The following DNAH6 variants were observed in gnomAD, a reference collection of about 807,000 sequenced individuals.
DNAH6 encodes dynein axonemal heavy chain 6, also known as axonemal beta dynein heavy chain 6.
DNAH6 carries 340 observed loss-of-function variants against 491.4 expected under a neutral mutation model. The observed-to-expected ratio is 0.69, with a 90% confidence interval of 0.63 to 0.76. The LOEUF is 0.76. Ranked by LOEUF, DNAH6 falls within the 30% of genes least tolerant of loss-of-function variation. The pLI, the probability that DNAH6 is intolerant of heterozygous loss-of-function variation, is 0.00. For missense variants in DNAH6, 4,443 were observed against 4,972.2 expected (o/e 0.89, Z 3.20); for synonymous variants, 1,603 against 1,686.1 (o/e 0.95, Z 1.21).
At position 84,588,891 on chromosome 2, in the gene DNAH6, A is replaced by G. The variant is rs1006244; in HGVS notation, c.2547A>G (p.Gln849=). 62,595 of 1,550,324 alleles carry G rather than the reference A, an allele frequency of 0.04. 3,985 individuals carry two copies. Among genetic ancestry groups the G allele is most frequent in the African/African-American group, 0.29 (21,302 of 72,986 alleles). The change falls in exon 16 of 77, where the codon CAA becomes CAG. Residue 849 remains glutamine, a synonymous_variant. Coordinates refer to ENST00000389394, the MANE Select transcript of DNAH6 (RefSeq NM_001370.2). ...TAAGGCTCATATTGAATAATCTGCA[A>G]TCTGTTCTGGCTGATCTTCAGAAAC... ...DKIRLILNNL[Q]SVLADLQKRA...
intron 62 of DNAH6, among the ~76,000 whole-genome samples, chr2:84,735,072 C>T (rs1369142458): frequency 6.6e-5 from 10 of 152,046 alleles, no homozygotes; most frequent in Admixed American, 5.9e-4. Flanking sequence ...TTTCAGAGTC[C>T]TCAGGGTCTA....
In DNAH6 at chr2:84,814,130, C is replaced by T; in HGVS notation, c.12150+8C>T. On this transcript the variant is annotated splice_region_variant and intron_variant, in intron 75 of 76. Coordinates refer to ENST00000389394, the MANE Select transcript of DNAH6 (RefSeq NM_001370.2). ...CTGCCCATGGACATGGAGGTATTGT[C>T]CACCTGGCTGTTATGGCAAAGCAGC... is the stretch of plus-strand genomic sequence containing the variant. 2 of 1,550,336 alleles carry T rather than the reference C, an allele frequency of 1.3e-6. No homozygotes were observed. Among genetic ancestry groups the T allele is most frequent in the Non-Finnish European group, 1.7e-6 (2 of 1,146,094 alleles).
chr2:84,579,519 T>A lies in DNAH6; in HGVS notation c.2077-8T>A. On this transcript the variant is annotated splice_region_variant and splice_polypyrimidine_tract_variant and intron_variant, in intron 13 of 76. Transcript: ENST00000389394. ...CTATTTACAATTCACACGGTGTTTCTTTCTTAGGTGCTAAATTTTATGCTT... is the reference window on the plus strand; with the variant it reads ...CTATTTACAATTCACACGGTGTTTCATTCTTAGGTGCTAAATTTTATGCTT... 1 of 1,613,264 alleles carries A rather than the reference T, an allele frequency of 6.2e-7. No homozygotes were observed.
At chr2:84,771,303 A>G (rs1675584865) in intron 64 of DNAH6, among the ~76,000 whole-genome samples, 1 of 152,074 alleles carries the variant, frequency 6.6e-6, no homozygotes, top group Non-Finnish European at 1.5e-5. Context: ...AAAAAAAACA[A>G]AAAGAAGTTA....
At chr2:84,644,224 C>T (rs894452638) in intron 33 of DNAH6, among the ~76,000 whole-genome samples, 3 of 152,074 alleles carry the variant, frequency 2.0e-5, no homozygotes, top group African/African-American at 7.2e-5. Flanking sequence ...GAAAGGCTAG[C>T]GCCAGCTGGA....
chr2:84,666,643 T>G (rs1053176806), intron 37 of DNAH6, among the ~76,000 whole-genome samples: 7 of 152,150 alleles, frequency 4.6e-5, no homozygotes, highest in African/African-American at 9.7e-5. Context: ...TGGATAGGAA[T>G]AATCAATATT....
intron 30 of DNAH6, 119 bp downstream of exon 30, chr2:84,634,760 C>T: frequency 7.9e-7 from 1 of 1,267,464 alleles, no homozygotes; most frequent in South Asian, 1.9e-5. Context: ...CTGGGGAGCC[C>T]AAGGGGACCT....
intron 40 of DNAH6, among the ~76,000 whole-genome samples, chr2:84,673,440 A>ATG (rs1277039282): frequency 6.6e-6 from 1 of 152,176 alleles, no homozygotes; most frequent in Non-Finnish European, 1.5e-5. Context: ...TCCTGTGCTA[A>ATG]TGTGTGTGGT....
chr2:84,646,179 T>C (rs1689876135), intron 33 of DNAH6, among the ~76,000 whole-genome samples: 1 of 152,206 alleles, frequency 6.6e-6, no homozygotes, highest in South Asian at 2.1e-4. Flanking sequence ...CATTGATCTT[T>C]GATGTTACTA....
chr2:84,684,880 A>G (rs779625235), intron 42 of DNAH6, among the ~76,000 whole-genome samples: 2 of 152,236 alleles, frequency 1.3e-5, no homozygotes, highest in African/African-American at 4.8e-5. Context: ...GGCCAGGGGC[A>G]TTTGGTGAGG....
chr2:84,801,632 C>G (rs186568983), intron 70 of DNAH6, among the ~76,000 whole-genome samples: 28 of 152,170 alleles, frequency 1.8e-4, no homozygotes, highest in Non-Finnish European at 3.5e-4. Context: ...GCCTGTAATC[C>G]TAACACTTTG....
intron 48 of DNAH6, 98 bp from the exon 49 acceptor site, chr2:84,700,999 G>T (rs1424126121): frequency 3.7e-6 from 5 of 1,360,774 alleles, no homozygotes; most frequent in Admixed American, 4.5e-5. Context: ...AGGGGACTGG[G>T]CAGGGAGGAG....
chr2:84,701,439 G>A (rs763533533), intron 49 of DNAH6, 100 bp downstream of exon 49: 16 of 1,256,496 alleles, frequency 1.3e-5, no homozygotes, highest in Non-Finnish European at 1.7e-5. Context: ...TCAGGGCCCT[G>A]TATTAGTCCA....
intron 20 of DNAH6, 97 bp from the exon 21 acceptor site, chr2:84,606,879 T>C (rs1026799071): frequency 7.8e-7 from 1 of 1,283,958 alleles, no homozygotes; most frequent in Non-Finnish European, 1.1e-6. Flanking sequence ...ATTCAAAGAG[T>C]TGACTTTTAA....
Position 84,557,473 on chromosome 2 carries a change from C to T in DNAH6, c.1603-262C>T, listed in dbSNP as rs1024091266. Reference sequence around the variant, plus strand: ...CATCCTGGCTAACAAGGTGAAACCCCGTCTCTACTAAAAATACAAAAAAAA... The same window carrying T: ...CATCCTGGCTAACAAGGTGAAACCCTGTCTCTACTAAAAATACAAAAAAAA... On this transcript the variant is annotated intron_variant, in intron 10 of 76. Transcript: ENST00000389394. 6.0e-5 allele frequency among the ~76,000 whole-genome samples: 9 copies of T among 150,112 alleles called. No homozygotes were observed. The East Asian group carries it at 7.8e-4, about 13-fold the overall frequency.
At chr2:84,567,410 A>G (rs920497996) in intron 11 of DNAH6, among the ~76,000 whole-genome samples, 2 of 152,200 alleles carry the variant, frequency 1.3e-5, no homozygotes, top group Admixed American at 1.3e-4. Flanking sequence ...ACTATACTAC[A>G]AGGCTACCGT....
rs73943395 is a variant in DNAH6, at chr2:84,762,970, A to G, written c.10703+25A>G. On this transcript the variant is annotated intron_variant, in intron 64 of 76. Coordinates refer to ENST00000389394, the MANE Select transcript of DNAH6 (RefSeq NM_001370.2). ...GGTAAGTTCATGTTGTGCAGTTTTAATAATGCAAATGCATATGAACATCTC... is the reference window on the plus strand; with the variant it reads ...GGTAAGTTCATGTTGTGCAGTTTTAGTAATGCAAATGCATATGAACATCTC... The G allele has an allele frequency of 2.2e-3, 3,334 of 1,517,998 alleles. 64 individuals carry two copies. In the African/African-American group the frequency reaches 0.041, roughly 19 times the overall value. The allele number at this position is 1,517,998 out of a possible 1,614,324, so 94.0% of individuals were successfully genotyped here.
chr2:84,634,762 A>G, intron 30 of DNAH6, 121 bp downstream of exon 30: 1 of 1,265,298 alleles, frequency 7.9e-7, no homozygotes, highest in Non-Finnish European at 1.0e-6. Flanking sequence ...GGGGAGCCCA[A>G]GGGGACCTTG....
At chr2:84,603,632 C>T (rs1050074698) in intron 18 of DNAH6, among the ~76,000 whole-genome samples, 4 of 152,158 alleles carry the variant, frequency 2.6e-5, no homozygotes, top group African/African-American at 9.7e-5. Context: ...AGGTGCTCCT[C>T]CCCCTTTTCC....
Sources: gnomAD v4.1 joint callset for allele counts (sites outside exome capture counted in the v4.1 genomes callset) on GRCh38, gnomAD v4.1.1 for gene constraint, MANE v1.5 for transcripts, NCBI Gene and HGNC (gene_info 2026-07-23, HGNC 2026-07-21) for gene names.